RERG: variants seen among roughly 807,000 people sequenced by gnomAD.
RERG encodes the protein RAS like estrogen regulated growth inhibitor, also known as ras-related and estrogen-regulated growth inhibitor.
A neutral mutation model predicts 23.2 loss-of-function variants in RERG; 25 were observed. The ratio of observed to expected loss-of-function variants is 1.08; its 90% confidence interval spans 0.79 to 1.50. The LOEUF is 1.50. Ranked by LOEUF, RERG falls within the 40% of genes most tolerant of loss-of-function variation. The pLI is 0.00. For synonymous variants in RERG, 81 were observed against 89.1 expected (o/e 0.91, Z 0.51); for missense variants, 253 against 250.1 (o/e 1.01, Z -0.08).
chr12:15,139,123 A>G (rs987501443), intron 2 of RERG, among the ~76,000 whole-genome samples: 1 of 150,598 alleles, frequency 6.6e-6, no homozygotes, highest in Non-Finnish European at 1.5e-5. Context: ...CCTTGGTAAA[A>G]TATCAGTTGA....
At chr12:15,141,491 AT>A (rs1229059366) in intron 2 of RERG, among the ~76,000 whole-genome samples, 1 of 151,870 alleles carries the variant, frequency 6.6e-6, no homozygotes, top group Non-Finnish European at 1.5e-5. Flanking sequence ...TTTGATTTTG[AT>A]TTTTTAAAGT....
chr12:15,158,362 G>C (rs1005181519), intron 2 of RERG, among the ~76,000 whole-genome samples: 1 of 151,866 alleles, frequency 6.6e-6, no homozygotes, highest in Non-Finnish European at 1.5e-5. Context: ...GCTCGCTGCA[G>C]CCTCGACCTC....
intron 3 of RERG, among the ~76,000 whole-genome samples, chr12:15,111,965 C>T (rs992926070): frequency 6.6e-6 from 1 of 152,146 alleles, no homozygotes. Context: ...CCTCAGCCAC[C>T]GTGCCTGGCC....
At chr12:15,139,552 A>C (rs1864201036) in intron 2 of RERG, among the ~76,000 whole-genome samples, 2 of 152,154 alleles carry the variant, frequency 1.3e-5, no homozygotes, top group African/African-American at 4.8e-5. Context: ...AGATTTATAC[A>C]TAAGCATTTA....
intron 2 of RERG, among the ~76,000 whole-genome samples, chr12:15,124,370 C>A (rs1863897971): frequency 6.6e-6 from 1 of 151,966 alleles, no homozygotes; most frequent in Admixed American, 6.5e-5. Context: ...ATGATCTGTA[C>A]AATAAATCAG....
At chr12:15,215,730 A>C (rs969749767) in intron 2 of RERG, among the ~76,000 whole-genome samples, 1 of 152,150 alleles carries the variant, frequency 6.6e-6, no homozygotes, top group African/African-American at 2.4e-5. Context: ...GTGAGGAAAA[A>C]TGGTCAGGTG....
intron 2 of RERG, chr12:15,217,144 A>C (rs1865450467): frequency 6.1e-6 from 2 of 328,598 alleles, no homozygotes; most frequent in East Asian, 1.1e-4. Flanking sequence ...AATTTCCATC[A>C]TCTGATTTCT....
At chr12:15,166,850 T>C (rs1388609591) in intron 2 of RERG, among the ~76,000 whole-genome samples, 2 of 152,044 alleles carry the variant, frequency 1.3e-5, no homozygotes, top group African/African-American at 2.4e-5. Flanking sequence ...ATTATTGTTT[T>C]TTGTTTTTTT....
chr12:15,212,985 T>C (rs1865389538), intron 2 of RERG, among the ~76,000 whole-genome samples: 1 of 152,066 alleles, frequency 6.6e-6, no homozygotes, highest in Non-Finnish European at 1.5e-5. Flanking sequence ...CGGAAAAAAA[T>C]ATCACAAGCT....
chr12:15,110,068 A>G (rs972551601), intron 4 of RERG, among the ~76,000 whole-genome samples: 1 of 152,180 alleles, frequency 6.6e-6, no homozygotes. Context: ...ACTCTATGCT[A>G]AAGGATTTGG....
chr12:15,172,115 T>G lies in RERG; in HGVS notation c.61+45314A>C, dbSNP rs114267984. The stretch of plus-strand genomic sequence containing the variant: ...TTCATCAACAAAAAGAAACCCCATA[T>G]GCATTAGCAGTCAATTCTCACTCCA... On this transcript the variant is annotated intron_variant, in intron 2 of 4. Coordinates refer to ENST00000256953, the MANE Select transcript of RERG (RefSeq NM_032918.3). Among the ~76,000 whole-genome samples the G allele has an allele frequency of 2.6e-5, 4 of 152,148 alleles. No homozygotes were observed. The East Asian group carries it at 7.7e-4, about 29-fold the overall frequency.
chr12:15,115,362 G>A (rs746183739), intron 3 of RERG, among the ~76,000 whole-genome samples: 1 of 152,102 alleles, frequency 6.6e-6, no homozygotes, highest in Non-Finnish European at 1.5e-5. Context: ...TGGTAGAGGC[G>A]AGATTTGAGT....
chr12:15,171,671 T>A (rs1315008512), intron 2 of RERG, among the ~76,000 whole-genome samples: 1 of 152,220 alleles, frequency 6.6e-6, no homozygotes, highest in South Asian at 2.1e-4. Context: ...AAGTGGGTTT[T>A]AAGTTAACCT....
chr12:15,111,769 G>T (rs1471628287), intron 3 of RERG, among the ~76,000 whole-genome samples: 1 of 151,658 alleles, frequency 6.6e-6, no homozygotes, highest in Admixed American at 6.6e-5. Flanking sequence ...CTGAAACCCG[G>T]GTTTCAAGTG....
chr12:15,116,884 T>C (rs1480712000), intron 3 of RERG, among the ~76,000 whole-genome samples: 1 of 152,184 alleles, frequency 6.6e-6, no homozygotes, highest in East Asian at 1.9e-4. Context: ...AAATTGAGCC[T>C]TTTTTGGTGA....
At chr12:15,148,847 GTTTT>G (rs56033971) in intron 2 of RERG, among the ~76,000 whole-genome samples, 257 of 45,444 alleles carry the variant, frequency 5.7e-3, no homozygotes, top group African/African-American at 9.4e-3. Flanking sequence ...CTTTAACTCT[GTTTT>G]TTTTTTTTTT....
At chr12:15,197,544 TAAA>T (rs1001921426) in intron 2 of RERG, among the ~76,000 whole-genome samples, 17 of 152,118 alleles carry the variant, frequency 1.1e-4, no homozygotes, top group African/African-American at 3.6e-4. Flanking sequence ...TCCTCATCAA[TAAA>T]ATAGGGGACT....
intron 2 of RERG, among the ~76,000 whole-genome samples, chr12:15,207,182 C>A (rs1350733327): frequency 6.6e-6 from 1 of 152,028 alleles, no homozygotes; most frequent in Non-Finnish European, 1.5e-5. Context: ...GTGGAAAATT[C>A]TGTGATTCAA....
At chr12:15,202,896 A>G (rs1302809862) in intron 2 of RERG, among the ~76,000 whole-genome samples, 1 of 151,794 alleles carries the variant, frequency 6.6e-6, no homozygotes, top group African/African-American at 2.4e-5. Flanking sequence ...TAGTGGTTGC[A>G]CCATTTTATA....
Sources: gnomAD v4.1 joint callset for allele counts (sites outside exome capture counted in the v4.1 genomes callset) on GRCh38, gnomAD v4.1.1 for gene constraint, MANE v1.5 for transcripts, NCBI Gene and HGNC (gene_info 2026-07-23, HGNC 2026-07-21) for gene names.